The following POMZP3 variants were observed in gnomAD, a reference collection of about 807,000 sequenced individuals.
POMZP3 encodes POM121 and ZP3 fusion protein.
Under a neutral mutation model 19.8 loss-of-function variants are expected in POMZP3, and 10 were observed. The ratio of observed to expected loss-of-function variants is 0.51; its 90% CI spans 0.31 to 0.86. The LOEUF is 0.86. Among genes scored for constraint, POMZP3 ranks in the 40% least tolerant of loss-of-function variants. The pLI, the probability that POMZP3 is intolerant of heterozygous loss-of-function variation, is 0.04. For missense variants in POMZP3, 152 were observed against 228.1 expected (o/e 0.67, Z 2.15); for synonymous variants, 57 against 85.8 (o/e 0.66, Z 1.85).
intron 6 of POMZP3, among the ~76,000 whole-genome samples, chr7:76,611,086 C>T (rs1276981311): frequency 7.0e-6 from 1 of 143,278 alleles, no homozygotes; most frequent in African/African-American, 2.7e-5. Flanking sequence ...GTTGGTCAGG[C>T]TGGTCTCGAA....
chr7:76,612,018 GTGAAACCCCATCGC>G (rs1377990758), intron 4 of POMZP3, among the ~76,000 whole-genome samples: 5 of 150,452 alleles, frequency 3.3e-5, no homozygotes, highest in African/African-American at 1.2e-4. Context: ...GGCCAACATG[GTGAAACCCCATCGC>G]TACTAAAAAT....
chr7:76,617,786 T>G (rs1815335660), intron 4 of POMZP3, among the ~76,000 whole-genome samples: 1 of 84,172 alleles, frequency 1.2e-5, no homozygotes, highest in Admixed American at 1.2e-4. Context: ...AGGTTCAAGC[T>G]ATTCTCCTGC....
intron 3 of POMZP3, among the ~76,000 whole-genome samples, chr7:76,621,868 A>G (rs1411094937): frequency 7.0e-6 from 1 of 142,516 alleles, no homozygotes; most frequent in East Asian, 2.0e-4. Flanking sequence ...TGAACCCGGG[A>G]GGCGGAGCTT....
In POMZP3 at chr7:76,616,594, C is replaced by T. The variant is rs1359043026; in HGVS notation, c.345+1589G>A. 3.1e-5 allele frequency among the ~76,000 whole-genome samples: 3 copies of T among 98,118 alleles called. 1 individual carries two copies. The highest frequency in any genetic ancestry group is 6.8e-5 in the Non-Finnish European group (3 of 44,318). 64.4% of individuals were successfully genotyped at this position (98,118 alleles called of 152,430 possible). ...ACTTGAGGCTGGGCATGGTGGCTCA[C>T]GCCTGTAATCTCAGCACTTTTGGAG... On this transcript the variant is annotated intron_variant, in intron 4 of 6. Transcript: ENST00000310842.
rs1815829601 is a variant in POMZP3 at position 76,625,534 on chromosome 7, T to C, written c.215A>G (p.Glu72Gly). The C allele has an allele frequency of 1.9e-6, 3 of 1,613,330 alleles. No individual in the cohort carries two copies. In the African/African-American group the frequency reaches 4.0e-5, roughly 22 times the overall value. ...EEDQIFLDGQ[E>G]NKRSCLVDGL... ...CTGAGCCTGTTACCTTCTTTTATTT[T>C]CCTGGCCATCAAGGAATATTTGGTC... Residue 72 changes from glutamate (E) to glycine (G), a missense_variant, in exon 3 of 7, where the codon GAA (glutamate) becomes GGA (glycine). Physicochemically the swap from Glu to Gly is moderately conservative, Grantham distance 98. This residue lies in a region of POMZP3 where 17 missense variants were observed against 38.1 expected (regional missense o/e 0.45). Transcript: ENST00000310842.
intron 3 of POMZP3, among the ~76,000 whole-genome samples, chr7:76,620,018 CTTA>C (rs1375471331): frequency 2.6e-5 from 2 of 78,400 alleles, no homozygotes; most frequent in Non-Finnish European, 4.9e-5. Context: ...TATCTTGTCT[CTTA>C]AAAAAAAAAA....
intron 2 of POMZP3, 94 bp downstream of exon 2, chr7:76,625,906 T>A: frequency 6.4e-7 from 1 of 1,557,768 alleles, no homozygotes; most frequent in Non-Finnish European, 8.8e-7. Flanking sequence ...TCGTCCTTTC[T>A]TTTTTGCGTT....
intron 2 of POMZP3, 102 bp downstream of exon 2, chr7:76,625,898 G>A (rs1815859558): frequency 2.0e-6 from 3 of 1,535,518 alleles, no homozygotes; most frequent in East Asian, 4.8e-5. Context: ...AAGCAGATTC[G>A]TCCTTTCTTT....
At position 76,615,245 on chromosome 7, in the gene POMZP3, C is replaced by T. The variant is rs1230999760; in HGVS notation, c.345+2938G>A. On this transcript the variant is annotated intron_variant, in intron 4 of 6. Coordinates refer to ENST00000310842, the MANE Select transcript of POMZP3 (RefSeq NM_012230.5). ...CTCTGTGAAAACTTCTCCCCATCTT[C>T]TTCCCAAATGGCCACACCTGAGGTC... Among the ~76,000 whole-genome samples, 8 of 98,490 alleles carry T rather than the reference C, an allele frequency of 8.1e-5. 2 individuals carry two copies. In the East Asian group the frequency reaches 2.0e-3, roughly 25 times the overall value. The allele number at this position is 98,490 out of a possible 152,430, so 64.6% of individuals were successfully genotyped here.
At chr7:76,624,730 G>A (rs1471650786) in intron 3 of POMZP3, among the ~76,000 whole-genome samples, 7 of 150,836 alleles carry the variant, frequency 4.6e-5, no homozygotes, top group Non-Finnish European at 7.4e-5. Context: ...ATAGGCGTGA[G>A]CCACCTTGCC....
chr7:76,627,003 C>T lies in POMZP3; in HGVS notation c.-447G>A. 3 of 1,352,560 alleles carry T rather than the reference C, an allele frequency of 2.2e-6. No homozygotes were observed. The highest frequency in any genetic ancestry group is 1.9e-6 in the Non-Finnish European group (2 of 1,032,048). 83.8% of individuals were successfully genotyped at this position (1,352,560 alleles called of 1,614,324 possible). A position where few individuals can be genotyped will look rare whatever the true frequency, so the allele number is the denominator to read the frequency against. On this transcript the variant is annotated 5_prime_UTR_variant, in exon 1 of 7. Coordinates refer to ENST00000310842, the MANE Select transcript of POMZP3 (RefSeq NM_012230.5). ...TCGACTTGGCCGGAGGCGAAGCGAA[C>T]AGTGTTCGCCGATGTCGCGCCTTCT...
At position 76,625,666 on chromosome 7, in the gene POMZP3, C is replaced by G. The variant is rs1195061750; in HGVS notation, c.83G>C (p.Ser28Thr). The change falls in exon 3 of 7, where the codon AGC (serine) becomes ACC (threonine). Residue 28 changes from serine (S) to threonine (T), a missense_variant. Around this residue, in one of 4 missense-constraint regions of POMZP3, gnomAD observed 70 missense variants for 64.1 expected, o/e 1.09. Coordinates refer to ENST00000310842, the MANE Select transcript of POMZP3 (RefSeq NM_012230.5). ...SRSAIPEQII[S>T]STLSSPSSNA... Reference sequence around the variant, plus strand: ...ACTTGATGGTGAGGACAGTGTTGAGCTGATTATCTGCTCTGGTCTATAATG... The same window carrying G: ...ACTTGATGGTGAGGACAGTGTTGAGGTGATTATCTGCTCTGGTCTATAATG... 6 of 1,613,868 alleles carry G rather than the reference C, an allele frequency of 3.7e-6. No individual in the cohort carries two copies. The highest frequency in any genetic ancestry group is 2.2e-5 in the East Asian group (1 of 44,868).
Position 76,611,755 on chromosome 7 carries a change from T to A in POMZP3, c.404A>T (p.Asn135Ile). The change falls in exon 5 of 7, where the codon AAC becomes ATC. Residue 135 changes from asparagine (N) to isoleucine (I), a missense_variant. Physicochemically the swap from Asn to Ile is moderately radical, Grantham distance 149 (BLOSUM62 -3). Coordinates refer to ENST00000310842, the MANE Select transcript of POMZP3 (RefSeq NM_012230.5). ...TLAEQDPDEL[N>I]KACSFSKPSN... ...AGGCTTGCTGAAGGAACAGGCCTTGTTGAGTTCATCTGGGTCCTGCTCAGC... is the reference window on the plus strand; with the variant it reads ...AGGCTTGCTGAAGGAACAGGCCTTGATGAGTTCATCTGGGTCCTGCTCAGC... 1.3e-6 allele frequency: 2 copies of A among 1,559,970 alleles called. No homozygotes were observed. The highest frequency in any genetic ancestry group is 1.8e-6 in the Non-Finnish European group (2 of 1,140,308).
Position 76,617,332 on chromosome 7 carries a change from C to A in POMZP3, c.345+851G>T, listed in dbSNP as rs1169297945. Among the ~76,000 whole-genome samples the A allele has an allele frequency of 3.1e-5, 3 of 96,654 alleles. 1 individual carries two copies. The highest frequency in any genetic ancestry group is 1.4e-4 in the African/African-American group (3 of 21,152). The allele number at this position is 96,654 out of a possible 152,430, so 63.4% of individuals were successfully genotyped here. A position where few individuals can be genotyped will look rare whatever the true frequency, so the allele number is the denominator to read the frequency against. ...GGCTAGATGTTGGTCCTGGCACCTG[C>A]ACTTCCTACTGCATCCCTCCCCCAC... is the stretch of plus-strand genomic sequence containing the variant. On this transcript the variant is annotated intron_variant, in intron 4 of 6. Coordinates refer to ENST00000310842, the MANE Select transcript of POMZP3 (RefSeq NM_012230.5).
In POMZP3 at chr7:76,627,137, G is replaced by A. The variant is rs1815951582; in HGVS notation, c.-581C>T. 1 of 1,442,880 alleles carries A rather than the reference G, an allele frequency of 6.9e-7. No individual in the cohort carries two copies. Among genetic ancestry groups the A allele is most frequent in the South Asian group, 1.3e-5 (1 of 74,946 alleles). 89.4% of individuals were successfully genotyped at this position (1,442,880 alleles called of 1,614,324 possible). On this transcript the variant is annotated 5_prime_UTR_variant, in exon 1 of 7. Transcript: ENST00000310842. The stretch of plus-strand genomic sequence containing the variant: ...GCCAGCGCAGCCGCAGCAGGCACGA[G>A]GTACAGTAGGAGGCCGACCAGCGAC...
rs1760123064 is a variant in POMZP3 at position 76,625,679 on chromosome 7, C to G, written c.70G>C (p.Glu24Gln). ...GACAGTGTTGAGCTGATTATCTGCT[C>G]TGGTCTATAATGAAAGACAGGATTC... ...DRRFSRSAIP[E>Q]QIISSTLSSP... The change falls in exon 3 of 7, where the codon GAG (glutamate) becomes CAG (glutamine). Residue 24 changes from glutamate (E) to glutamine (Q), a missense_variant. Glu to Gln is a conservative substitution (Grantham distance 29). This residue lies in a region of POMZP3 where 70 missense variants were observed against 64.1 expected (regional missense o/e 1.09). Transcript: ENST00000310842. 4 of 1,613,670 alleles carry G rather than the reference C, an allele frequency of 2.5e-6. No individual in the cohort carries two copies. Among genetic ancestry groups the G allele is most frequent in the South Asian group, 1.1e-5 (1 of 91,038 alleles).
In POMZP3 at chr7:76,626,940, G is replaced by C. The variant is rs1374178352; in HGVS notation, c.-384C>G. ...GCAGTTCGGCAGGGTCAGGTCCTTCGAGCAGGGTCCGCGGCTCTAGGAGGT... is the reference window on the plus strand; with the variant it reads ...GCAGTTCGGCAGGGTCAGGTCCTTCCAGCAGGGTCCGCGGCTCTAGGAGGT... On this transcript the variant is annotated 5_prime_UTR_variant, in exon 1 of 7. Coordinates refer to ENST00000310842, the MANE Select transcript of POMZP3 (RefSeq NM_012230.5). 3 of 1,407,276 alleles carry C rather than the reference G, an allele frequency of 2.1e-6. No individual in the cohort carries two copies. Among genetic ancestry groups the C allele is most frequent in the Non-Finnish European group, 2.8e-6 (3 of 1,078,152 alleles). The allele number at this position is 1,407,276 out of a possible 1,614,324, so 87.2% of individuals were successfully genotyped here.
chr7:76,622,648 G>A (rs1815633650), intron 3 of POMZP3, among the ~76,000 whole-genome samples: 2 of 151,820 alleles, frequency 1.3e-5, no homozygotes, highest in Admixed American at 6.6e-5. Context: ...ACAGGCGTGA[G>A]CCACTGCGTC....
Position 76,626,053 on chromosome 7 carries a change from G to GA in POMZP3, c.11_12insT (p.Val6SerfsTer9), listed in dbSNP as rs1382344201. On this transcript the variant is annotated frameshift_variant, in exon 2 of 7. Transcript: ENST00000310842. LOFTEE classifies it high-confidence loss of function. ...GAGGGGCGATCCTCAGAGTCACTGGGCTACACACCATCCTGGAGTTGCGAG... is the reference window on the plus strand; with the variant it reads ...GAGGGGCGATCCTCAGAGTCACTGGGACTACACACCATCCTGGAGTTGCGAG... 1 of 1,613,690 alleles carries GA rather than the reference G, an allele frequency of 6.2e-7. No homozygotes were observed. The highest frequency in any genetic ancestry group is 1.3e-5 in the African/African-American group (1 of 74,900).
Sources: allele counts gnomAD v4.1 joint callset (sites outside exome capture counted in the v4.1 genomes callset), GRCh38; gene constraint gnomAD v4.1.1; regional missense constraint gnomAD v4.1.1; transcripts MANE v1.5; gene names NCBI Gene and HGNC (gene_info 2026-07-23, HGNC 2026-07-21).